IQSEC3: variants seen among roughly 807,000 people sequenced by gnomAD.
IQSEC3 encodes the protein IQ motif and SEC7 domain-containing protein 3.
A neutral mutation model predicts 105.4 loss-of-function variants in IQSEC3; 50 were observed. The ratio of observed to expected loss-of-function variants is 0.47; its 90% CI spans 0.38 to 0.60. The LOEUF is 0.60. Among genes scored for constraint, IQSEC3 ranks in the 20% least tolerant of loss-of-function variants. IQSEC3 has a pLI of 0.00. For missense variants in IQSEC3, 1,415 were observed against 1,630.0 expected (o/e 0.87, Z 2.27); for synonymous variants, 708 against 746.0 (o/e 0.95, Z 0.83).
intron 3 of IQSEC3, among the ~76,000 whole-genome samples, chr12:131,000 GCCCCCC>G (rs1865572909): frequency 2.0e-5 from 1 of 50,048 alleles, no homozygotes; most frequent in South Asian, 1.0e-3. Context: ...TCAGCACTGT[GCCCCCC>G]AGCTAGCGGC....
chr12:171,438 A>G, intron 13 of IQSEC3: 2 of 938,780 alleles, frequency 2.1e-6, no homozygotes, highest in South Asian at 1.5e-5. Context: ...GACGGAGCTC[A>G]CGGCACCCTA....
intron 2 of IQSEC3, among the ~76,000 whole-genome samples, chr12:114,223 T>A (rs1864983504): frequency 6.6e-6 from 1 of 152,194 alleles, no homozygotes. Flanking sequence ...GTCTAGAAAT[T>A]CAGATATGAC....
intron 1 of IQSEC3, among the ~76,000 whole-genome samples, chr12:92,162 G>A (rs908848733): frequency 1.3e-5 from 2 of 152,204 alleles, no homozygotes; most frequent in African/African-American, 4.8e-5. Context: ...TGAAGCCACA[G>A]GGGACTGAAT....
At chr12:98,874 G>GGT (rs1555075340) in intron 1 of IQSEC3, among the ~76,000 whole-genome samples, 12 of 152,222 alleles carry the variant, frequency 7.9e-5, no homozygotes, top group Non-Finnish European at 1.6e-4. Flanking sequence ...GCAGAAGTAG[G>GGT]AAGGGTGAGT....
chr12:158,461 T>C (rs1866775277), intron 7 of IQSEC3, among the ~76,000 whole-genome samples: 1 of 152,204 alleles, frequency 6.6e-6, no homozygotes, highest in Non-Finnish European at 1.5e-5. Context: ...TACGGTCACG[T>C]GCACTGTGTC....
At chr12:89,294 T>C (rs782456046) in intron 1 of IQSEC3, among the ~76,000 whole-genome samples, 5 of 151,924 alleles carry the variant, frequency 3.3e-5, no homozygotes, top group African/African-American at 9.7e-5. Flanking sequence ...AAAAATATAA[T>C]GTCTTTTTCT....
intron 2 of IQSEC3, 88 bp from the exon 3 acceptor site, chr12:125,545 A>G: frequency 2.5e-5 from 33 of 1,313,930 alleles, no homozygotes; most frequent in Non-Finnish European, 3.3e-5. Context: ...GGCAGGCCAG[A>G]GTGCCTAGCT....
chr12:138,221 C>T lies in IQSEC3; in HGVS notation c.904-46C>T. ...CACCACTCCTCAGAAGGGCTGACCA[C>T]CCTTCCCCTCTGAGCCCTTCCTCCT... On this transcript the variant is annotated intron_variant, in intron 3 of 13. Coordinates refer to ENST00000538872, the MANE Select transcript of IQSEC3 (RefSeq NM_001170738.2). The surrounding 1 kb of genome is among the most constrained non-coding windows in gnomAD (Gnocchi z 7.1). The T allele has an allele frequency of 1.3e-6, 2 of 1,530,178 alleles. No homozygotes were observed. Among genetic ancestry groups the T allele is most frequent in the Non-Finnish European group, 1.8e-6 (2 of 1,121,582 alleles). The allele number at this position is 1,530,178 out of a possible 1,614,324, so 94.8% of individuals were successfully genotyped here.
intron 5 of IQSEC3, chr12:143,637 CCA>C: frequency 6.6e-6 from 1 of 152,382 alleles, no homozygotes; most frequent in South Asian, 1.0e-4. Flanking sequence ...TGCTGGGGTG[CCA>C]GCGTTCATGC....
chr12:141,226 C>T lies in IQSEC3; in HGVS notation c.2094C>T (p.Arg698=), dbSNP rs1866011593. ...HFLLQRKGLS[R]QMIGEFLGNS... is the part of the protein sequence containing the mutation. ...TCCTCCAGCGAAAGGGCCTCAGCCG[C>T]CAGATGATTGGAGAGTTCCTGGGCA... The change falls in exon 5 of 14, where the codon CGC becomes CGT. Residue 698 remains arginine, a synonymous_variant. Transcript: ENST00000538872. 2 of 1,614,076 alleles carry T rather than the reference C, an allele frequency of 1.2e-6. No individual in the cohort carries two copies. Among genetic ancestry groups the T allele is most frequent in the Non-Finnish European group, 1.7e-6 (2 of 1,180,010 alleles).
At chr12:127,032 AG>A (rs1379797469) in intron 3 of IQSEC3, among the ~76,000 whole-genome samples, 17 of 152,258 alleles carry the variant, frequency 1.1e-4, no homozygotes, top group African/African-American at 3.9e-4. Flanking sequence ...TATAGTAAGG[AG>A]GGTTGTTCTC....
intron 9 of IQSEC3, among the ~76,000 whole-genome samples, chr12:164,117 G>T (rs1387548506): frequency 1.3e-5 from 2 of 152,192 alleles, no homozygotes; most frequent in African/African-American, 4.8e-5. Flanking sequence ...ACAAATATTT[G>T]ATCAGCGTTG....
chr12:86,908 G>C (rs1400590475), intron 1 of IQSEC3, among the ~76,000 whole-genome samples: 1 of 151,908 alleles, frequency 6.6e-6, no homozygotes, highest in African/African-American at 2.4e-5. Flanking sequence ...CCTTAGATCT[G>C]GGAAGGCCTA....
In IQSEC3 at chr12:117,559, G is replaced by T. The variant is rs1308945608; in HGVS notation, c.624-8074G>T. ...TCGCCCATGGGGACAGTCTGCAGGA[G>T]CCACCCTGTGGCCCACCTTGAGGGA... On this transcript the variant is annotated intron_variant, in intron 2 of 13. Transcript: ENST00000538872. Among the ~76,000 whole-genome samples the T allele has an allele frequency of 7.9e-5, 12 of 152,184 alleles. 1 individual carries two copies. Among genetic ancestry groups the T allele is most frequent in the Non-Finnish European group, 1.8e-4 (12 of 68,010 alleles).
chr12:172,474 G>C (rs540205866), intron 13 of IQSEC3, among the ~76,000 whole-genome samples: 2 of 152,168 alleles, frequency 1.3e-5, no homozygotes, highest in South Asian at 4.1e-4. Flanking sequence ...CCAACCCCAC[G>C]CACTCCTCCC....
At chr12:171,596 G>C in intron 13 of IQSEC3, 1 of 553,084 alleles carries the variant, frequency 1.8e-6, no homozygotes, top group South Asian at 2.4e-5. Context: ...GGGCTCCCTC[G>C]GAGAATTACC....
chr12:162,807 T>G (rs1444349706), intron 8 of IQSEC3, among the ~76,000 whole-genome samples: 1 of 152,120 alleles, frequency 6.6e-6, no homozygotes, highest in East Asian at 1.9e-4. Flanking sequence ...ATCCCTTCGC[T>G]CTCGCACACC....
chr12:113,067 C>T lies in IQSEC3; in HGVS notation c.624-12566C>T, dbSNP rs1864944681. Among the ~76,000 whole-genome samples the T allele has an allele frequency of 2.0e-5, 3 of 152,124 alleles. No individual in the cohort carries two copies. In the South Asian group the frequency reaches 6.2e-4, roughly 32 times the overall value. On this transcript the variant is annotated intron_variant, in intron 2 of 13. Coordinates refer to ENST00000538872, the MANE Select transcript of IQSEC3 (RefSeq NM_001170738.2). Reference sequence around the variant, plus strand: ...AGTGCGGCCTGGACACTGGGAAGTGCCCCCGGAATGCCACGGGGAACAGCC... The same window carrying T: ...AGTGCGGCCTGGACACTGGGAAGTGTCCCCGGAATGCCACGGGGAACAGCC...
At chr12:119,454 T>C (rs1281926423) in intron 2 of IQSEC3, among the ~76,000 whole-genome samples, 1 of 152,158 alleles carries the variant, frequency 6.6e-6, no homozygotes, top group Non-Finnish European at 1.5e-5. Context: ...AGCAAAGGTA[T>C]CTGGAACCCA....
Sources: allele counts gnomAD v4.1 joint callset (sites outside exome capture counted in the v4.1 genomes callset), GRCh38; gene constraint gnomAD v4.1.1; non-coding constraint Gnocchi (gnomAD v3.1); transcripts MANE v1.5; gene names NCBI Gene and HGNC (gene_info 2026-07-23, HGNC 2026-07-21).